Variants in SCN4A observed in about 807,000 individuals in gnomAD.
SCN4A encodes the protein sodium voltage-gated channel alpha subunit 4.
A neutral mutation model predicts 162.0 loss-of-function variants in SCN4A; 83 were observed. The ratio of observed to expected loss-of-function variants is 0.51; its 90% CI spans 0.43 to 0.61. The LOEUF (loss-of-function observed/expected upper bound fraction) is 0.61, where lower values mean the gene tolerates loss of function less well. SCN4A is among the 20% of genes least tolerant of loss of function. The probability of loss-of-function intolerance (pLI) is 0.00; values close to 1 mark genes in which losing one functional copy is unlikely to be tolerated. For synonymous variants in SCN4A, 944 were observed against 985.1 expected (o/e 0.96, Z 0.78); for missense variants, 2,196 against 2,462.5 (o/e 0.89, Z 2.29).
chr17:63,957,043 C>T, intron 13 of SCN4A, 119 bp downstream of exon 13: 1 of 676,754 alleles, frequency 1.5e-6, no homozygotes. Context: ...CGGGGTTAAA[C>T]CACATAAAAT....
chr17:63,952,915 G>C (rs556429241), intron 13 of SCN4A, among the ~76,000 whole-genome samples: 2 of 152,286 alleles, frequency 1.3e-5, no homozygotes, highest in Admixed American at 1.3e-4. Flanking sequence ...AGACTGGAGT[G>C]CACAGCTTTT....
Position 63,942,872 on chromosome 17 carries a change from A to C in SCN4A, c.4242T>G (p.Val1414=). 1 of 1,614,032 alleles carries C rather than the reference A, an allele frequency of 6.2e-7. No individual in the cohort carries two copies. The highest frequency in any genetic ancestry group is 1.1e-5 in the South Asian group (1 of 91,088). Residue 1414 remains valine (V), a synonymous_variant, in exon 23 of 24, where the codon GTT becomes GTG. Coordinates refer to ENST00000435607, the MANE Select transcript of SCN4A (RefSeq NM_000334.4). The part of the protein sequence containing the change: ...MLALRQYYFT[V]GWNIFDFVVV... Reference sequence around the variant, plus strand: ...CCACGAAGTCAAAGATGTTCCAGCCAACGGTGAAGTAGTACTGGCGCAGGG... The same window carrying C: ...CCACGAAGTCAAAGATGTTCCAGCCCACGGTGAAGTAGTACTGGCGCAGGG...
chr17:63,971,028 T>G, intron 5 of SCN4A, 134 bp downstream of exon 5: 1 of 657,196 alleles, frequency 1.5e-6, no homozygotes, highest in Non-Finnish European at 2.8e-6. Flanking sequence ...TGGGCCCCTG[T>G]ATGTCCAGGC....
Position 63,944,663 on chromosome 17 carries a change from T to C in SCN4A, c.3912+10A>G. 1 of 1,596,102 alleles carries C rather than the reference T, an allele frequency of 6.3e-7. No homozygotes were observed. Among genetic ancestry groups the C allele is most frequent in the African/African-American group, 1.3e-5 (1 of 74,808 alleles). ...ACCGGGAGGGCCCGAGGGGCTGGGC[T>C]GATACTCATCTTCTTCTTCTGCTGG... On this transcript the variant is annotated intron_variant, in intron 21 of 23. Transcript: ENST00000435607. This position sits in a 1 kb window ranked among gnomAD's most constrained non-coding sequence, Gnocchi z 4.3.
At position 63,961,427 on chromosome 17, in the gene SCN4A, C is replaced by T; in HGVS notation, c.1611G>A (p.Leu537=). ...GTGGGCACTTTTGGTGGGCCTCTTC[C>T]AGTTCTGGGAGAGGGGTGGTAGCAG... ...DSGISDAMEE[L]EEAHQKCPPW... The change falls in exon 11 of 24, where the codon CTG becomes CTA. Residue 537 remains leucine (L), a synonymous_variant. Coordinates refer to ENST00000435607, the MANE Select transcript of SCN4A (RefSeq NM_000334.4). 3.7e-6 allele frequency: 6 copies of T among 1,611,618 alleles called. No individual in the cohort carries two copies. The highest frequency in any genetic ancestry group is 5.1e-6 in the Non-Finnish European group (6 of 1,177,874).
Position 63,942,898 on chromosome 17 carries a change from C to A in SCN4A, c.4216G>T (p.Ala1406Ser). The part of the protein sequence containing the change: ...FTGECVLKML[A>S]LRQYYFTVGW... ...ACGGTGAAGTAGTACTGGCGCAGGG[C>A]GAGCATCTTGAGCACGCACTCCCCT... is the stretch of plus-strand genomic sequence containing the variant. Residue 1406 changes from alanine to serine, a missense_variant, in exon 23 of 24, where the codon GCC becomes TCC. Physicochemically the swap from Ala to Ser is moderately conservative, Grantham distance 99. Coordinates refer to ENST00000435607, the MANE Select transcript of SCN4A (RefSeq NM_000334.4). 1.2e-6 allele frequency: 2 copies of A among 1,614,006 alleles called. No individual in the cohort carries two copies. Among genetic ancestry groups the A allele is most frequent in the Non-Finnish European group, 1.7e-6 (2 of 1,179,880 alleles).
chr17:63,940,596 G>T lies in SCN4A; in HGVS notation c.*175C>A. On this transcript the variant is annotated 3_prime_UTR_variant, in exon 24 of 24. Transcript: ENST00000435607. ...GCAATTCCCATTTCCCATGGTCTGGGAACGCAGGCGCTCGGGCCTGGGTGT... is the reference window on the plus strand; with the variant it reads ...GCAATTCCCATTTCCCATGGTCTGGTAACGCAGGCGCTCGGGCCTGGGTGT... The T allele has an allele frequency of 1.5e-6, 1 of 662,566 alleles. No individual in the cohort carries two copies. The highest frequency in any genetic ancestry group is 2.9e-5 in the East Asian group (1 of 34,234). The allele number at this position is 662,566 out of a possible 1,614,324, so 41.0% of individuals were successfully genotyped here.
In SCN4A at chr17:63,941,782, G is replaced by A; in HGVS notation, c.4500C>T (p.Gly1500=). ...TCTTGACGTAGGCAAAGTTGGACATGCCGAAGATGGAGTAGATGAACATGA... is the reference window on the plus strand; with the variant it reads ...TCTTGACGTAGGCAAAGTTGGACATACCGAAGATGGAGTAGATGAACATGA... ...FLVMFIYSIF[G]MSNFAYVKKE... The change falls in exon 24 of 24, where the codon GGC becomes GGT. Residue 1500 remains glycine, a synonymous_variant. Transcript: ENST00000435607. This position sits in a 1 kb window ranked among gnomAD's most constrained non-coding sequence, Gnocchi z 6.2. 11 of 1,614,224 alleles carry A rather than the reference G, an allele frequency of 6.8e-6. No homozygotes were observed. Among genetic ancestry groups the A allele is most frequent in the Non-Finnish European group, 8.5e-6 (10 of 1,180,046 alleles).
At position 63,972,643 on chromosome 17, in the gene SCN4A, T is replaced by C. The variant is rs200834218; in HGVS notation, c.199A>G (p.Ile67Val). The C allele has an allele frequency of 6.0e-5, 97 of 1,611,988 alleles. No individual in the cohort carries two copies. In the African/African-American group the frequency reaches 1.2e-3, roughly 20 times the overall value. The change falls in exon 1 of 24, where the codon ATC becomes GTC. Residue 67 changes from isoleucine (I) to valine (V), a missense_variant. Ile to Val is a conservative substitution (Grantham distance 29). Transcript: ENST00000435607. This position sits in a 1 kb window ranked among gnomAD's most constrained non-coding sequence, Gnocchi z 4.3. ...DLEAGKNLPM[I>V]YGDPPPEVIG... ...ACCTCCGGCGGGGGGTCTCCGTAGA[T>C]CATGGGTAGGTTCTTGCCAGCCTCC...
intron 5 of SCN4A, 62 bp from the exon 6 acceptor site, chr17:63,968,417 G>T: frequency 1.4e-6 from 2 of 1,408,020 alleles, no homozygotes; most frequent in Middle Eastern, 2.3e-4. Context: ...CAGAGCCCCC[G>T]CGGCCCCCAC....
rs1317609748 is a variant in SCN4A, at chr17:63,940,986, G to C, written c.5296C>G (p.Pro1766Ala). 6.2e-7 allele frequency: 1 copy of C among 1,613,150 alleles called. No homozygotes were observed. The highest frequency in any genetic ancestry group is 1.7e-4 in the Middle Eastern group (1 of 6,060). Reference sequence around the variant, plus strand: ...TTGGCAAGCAGCCCCTCCTTCTCAGGGGCGTCATCCCCGCTGCCGTCGTGG... The same window carrying C: ...TTGGCAAGCAGCCCCTCCTTCTCAGCGGCGTCATCCCCGCTGCCGTCGTGG... The part of the protein sequence containing the change: ...HSHDGSGDDA[P>A]EKEGLLANTM... Residue 1766 changes from proline (P) to alanine (A), a missense_variant, in exon 24 of 24, where the codon CCT becomes GCT. Physicochemically the swap from Pro to Ala is conservative, Grantham distance 27. Coordinates refer to ENST00000435607, the MANE Select transcript of SCN4A (RefSeq NM_000334.4).
intron 4 of SCN4A, 103 bp from the exon 5 acceptor site, chr17:63,971,356 T>C (rs765496097): frequency 1.1e-5 from 8 of 724,800 alleles, no homozygotes; most frequent in South Asian, 3.1e-5. Flanking sequence ...TCCCAAGAAA[T>C]TGGGGGTACC....
At position 63,964,296 on chromosome 17, in the gene SCN4A, T is replaced by A. The variant is rs187596460; in HGVS notation, c.1452+172A>T. 7.4e-4 allele frequency among the ~76,000 whole-genome samples: 112 copies of A among 152,246 alleles called. 1 individual carries two copies. The highest frequency in any genetic ancestry group is 2.7e-3 in the African/African-American group (111 of 41,536). On this transcript the variant is annotated intron_variant, in intron 9 of 23. Transcript: ENST00000435607. Reference sequence around the variant, plus strand: ...TTTTTCTACTGCTTGGATCCCTCCATCCCCCTGCCACCAGCAAAGCTCCCA... The same window carrying A: ...TTTTTCTACTGCTTGGATCCCTCCAACCCCCTGCCACCAGCAAAGCTCCCA...
At chr17:63,949,836 T>G (rs1209620871) in intron 14 of SCN4A, 34 of 155,774 alleles carry the variant, frequency 2.2e-4, no homozygotes, top group East Asian at 5.0e-4. Flanking sequence ...CCGGCCCGAG[T>G]GGGGGGTCTG....
In SCN4A at chr17:63,944,769, G is replaced by A; in HGVS notation, c.3816C>T (p.Tyr1272=). 1 of 1,613,954 alleles carries A rather than the reference G, an allele frequency of 6.2e-7. No homozygotes were observed. Among genetic ancestry groups the A allele is most frequent in the Non-Finnish European group, 8.5e-7 (1 of 1,179,874 alleles). The change falls in exon 21 of 24, where the codon TAC becomes TAT. Residue 1272 remains tyrosine, a synonymous_variant. Transcript: ENST00000435607. This position sits in a 1 kb window ranked among gnomAD's most constrained non-coding sequence, Gnocchi z 4.3. ...QPQYEVNLYM[Y]LYFVIFIIFG... ...AGATGATGAAGATGACAAAGTAGAG[G>A]TACATGTAGAGGTTCACCTCGTACT...
chr17:63,958,562 GT>G (rs901803424), intron 12 of SCN4A, among the ~76,000 whole-genome samples: 24 of 151,794 alleles, frequency 1.6e-4, no homozygotes, highest in Middle Eastern at 3.4e-3. Flanking sequence ...TGTTGTTGTT[GT>G]TTTTTTTGAG....
intron 5 of SCN4A, among the ~76,000 whole-genome samples, chr17:63,969,932 C>T (rs1909565874): frequency 6.6e-6 from 1 of 152,156 alleles, no homozygotes; most frequent in Admixed American, 6.5e-5. Flanking sequence ...TATGGGCCAC[C>T]ACACCTGGCC....
At chr17:63,943,618 T>G (rs904967226) in intron 22 of SCN4A, 128 bp downstream of exon 22, 26 of 627,546 alleles carry the variant, frequency 4.1e-5, no homozygotes, top group Non-Finnish European at 7.5e-5. Context: ...CCCCTGCCCC[T>G]GGGGTGGGCC....
intron 13 of SCN4A, among the ~76,000 whole-genome samples, chr17:63,953,738 T>A (rs1304716385): frequency 6.7e-6 from 1 of 148,408 alleles, no homozygotes; most frequent in African/African-American, 2.5e-5. Flanking sequence ...TTATACAAGG[T>A]GTAGGAAGAG....
Sources: gnomAD v4.1 joint callset for allele counts (sites outside exome capture counted in the v4.1 genomes callset) on GRCh38, gnomAD v4.1.1 for gene constraint, Gnocchi (gnomAD v3.1) non-coding constraint, MANE v1.5 for transcripts, NCBI Gene and HGNC (gene_info 2026-07-23, HGNC 2026-07-21) for gene names.